The following ARMC8 variants were observed in gnomAD, a reference collection of about 807,000 sequenced individuals.
The protein encoded by ARMC8 is armadillo repeat-containing protein 8.
In ARMC8, 20 loss-of-function variants were observed where a neutral mutation model predicts 99.3. The observed-to-expected ratio is 0.20, with a 90% CI of 0.14 to 0.29. The LOEUF is 0.29. Among genes scored for constraint, ARMC8 ranks in the 10% least tolerant of loss-of-function variants. The pLI, the probability that ARMC8 is intolerant of heterozygous loss-of-function variation, is 1.00. For synonymous variants in ARMC8, 263 were observed against 278.3 expected (o/e 0.95, Z 0.55); for missense variants, 569 against 809.5 (o/e 0.70, Z 3.60).
At chr3:138,270,253 T>G in intron 16 of ARMC8, 121 bp downstream of exon 16, 3 of 773,734 alleles carry the variant, frequency 3.9e-6, no homozygotes, top group Non-Finnish European at 6.1e-6. Flanking sequence ...CTGGCTATTT[T>G]GTTCTAGTTT....
At chr3:138,242,173 A>G (rs577326328) in intron 11 of ARMC8, among the ~76,000 whole-genome samples, 190 bp downstream of exon 11, 9 of 152,206 alleles carry the variant, frequency 5.9e-5, no homozygotes, top group Admixed American at 5.9e-4. Context: ...TTATTGTCAG[A>G]AAGTTTTTAC....
intron 10 of ARMC8, among the ~76,000 whole-genome samples, 193 bp downstream of exon 10, chr3:138,239,721 C>T (rs952998485): frequency 3.3e-5 from 5 of 152,016 alleles, no homozygotes; most frequent in Admixed American, 6.6e-5. Flanking sequence ...AGATGTGTTT[C>T]GAAAGTCAGC....
At chr3:138,258,867 T>C (rs1197221022) in intron 12 of ARMC8, among the ~76,000 whole-genome samples, 1 of 152,234 alleles carries the variant, frequency 6.6e-6, no homozygotes. Flanking sequence ...TCCTCCACTC[T>C]GAGGATTCAG....
intron 6 of ARMC8, among the ~76,000 whole-genome samples, chr3:138,231,449 C>T (rs1348882854): frequency 6.6e-6 from 1 of 152,064 alleles, no homozygotes; most frequent in Non-Finnish European, 1.5e-5. Flanking sequence ...AAAGGGAGAG[C>T]TCACTAAAGC....
At chr3:138,224,377 G>A (rs766180526) in intron 5 of ARMC8, among the ~76,000 whole-genome samples, 68 of 152,340 alleles carry the variant, frequency 4.5e-4, no homozygotes, top group Non-Finnish European at 8.5e-4. Flanking sequence ...AGGAGTTTGA[G>A]GTTATACTAA....
At chr3:138,290,932 C>G (rs2050881002) in intron 21 of ARMC8, among the ~76,000 whole-genome samples, 1 of 152,196 alleles carries the variant, frequency 6.6e-6, no homozygotes, top group South Asian at 2.1e-4. Context: ...AATAGACATG[C>G]ATGTGGCATT....
chr3:138,231,200 A>T (rs1457245451), intron 6 of ARMC8, among the ~76,000 whole-genome samples: 3 of 152,246 alleles, frequency 2.0e-5, no homozygotes, highest in African/African-American at 7.2e-5. Context: ...CGATATACTG[A>T]CAACATGTAT....
chr3:138,270,594 A>T (rs1369648777), intron 16 of ARMC8, among the ~76,000 whole-genome samples: 1 of 152,208 alleles, frequency 6.6e-6, no homozygotes, highest in African/African-American at 2.4e-5. Context: ...GTGTGTTTAT[A>T]AAGTACAACA....
Position 138,289,049 on chromosome 3 carries a change from G to A in ARMC8, c.1823G>A (p.Gly608Asp). 1 of 1,611,648 alleles carries A rather than the reference G, an allele frequency of 6.2e-7. No homozygotes were observed. Among genetic ancestry groups the A allele is most frequent in the Non-Finnish European group, 8.5e-7 (1 of 1,178,374 alleles). ...TTTTTTCTTTTTCTGTATTAATAGG[G>A]CCATTCACATGTTAAACTGCAGCTT... ...DILQKIKYYM[G>D]HSHVKLQLAA... Residue 608 changes from glycine to aspartate, a missense_variant and splice_region_variant, in exon 20 of 22, where the codon GGC becomes GAC. By Grantham distance (94) the Gly-to-Asp change is moderately conservative. Transcript: ENST00000469044.
intron 17 of ARMC8, 110 bp from the exon 18 acceptor site, chr3:138,274,339 T>G (rs1358438517): frequency 5.8e-6 from 4 of 692,672 alleles, no homozygotes; most frequent in Non-Finnish European, 1.0e-5. Context: ...TATGCTATAG[T>G]GTTTTGCATG....
In ARMC8 at chr3:138,221,968, C is replaced by G; in HGVS notation, c.165C>G (p.Ala55=). The change falls in exon 3 of 22, where the codon GCC becomes GCG. Residue 55 remains alanine, a synonymous_variant. Transcript: ENST00000469044. ...NAVIGNNKQK[A]NLIVLGAVPR... The stretch of plus-strand genomic sequence containing the variant: ...TAATTGGAAACAACAAGCAGAAAGC[C>G]AATCTCATTGTTTTAGGAGCTGTTC... 6.2e-7 allele frequency: 1 copy of G among 1,613,548 alleles called. No homozygotes were observed. The highest frequency in any genetic ancestry group is 1.1e-5 in the South Asian group (1 of 91,032).
rs1478756083 is a variant in ARMC8, at chr3:138,289,088, G to A, written c.1862G>A (p.Cys621Tyr). The A allele has an allele frequency of 1.9e-6, 3 of 1,613,212 alleles. No individual in the cohort carries two copies. Among genetic ancestry groups the A allele is most frequent in the African/African-American group, 1.3e-5 (1 of 74,880 alleles). ...AAACTGCAGCTTGCAGCCATGTTTTGTATATCAAACCTCATATGGAATGAA... is the reference window on the plus strand; with the variant it reads ...AAACTGCAGCTTGCAGCCATGTTTTATATATCAAACCTCATATGGAATGAA... The part of the protein sequence containing the change: ...HVKLQLAAMF[C>Y]ISNLIWNEEE... The change falls in exon 20 of 22, where the codon TGT becomes TAT. Residue 621 changes from cysteine (C) to tyrosine (Y), a missense_variant. Physicochemically the swap from Cys to Tyr is radical, Grantham distance 194. This residue lies in a region of ARMC8 where 227 missense variants were observed against 417.9 expected (regional missense o/e 0.54). Transcript: ENST00000469044.
chr3:138,209,118 C>T (rs1291460631), intron 1 of ARMC8, among the ~76,000 whole-genome samples: 2 of 152,250 alleles, frequency 1.3e-5, no homozygotes, highest in African/African-American at 4.8e-5. Context: ...CCTCACTCTT[C>T]CCTGGCTGAG....
intron 1 of ARMC8, among the ~76,000 whole-genome samples, chr3:138,195,582 C>T (rs1399996223): frequency 2.0e-5 from 3 of 152,112 alleles, no homozygotes; most frequent in Non-Finnish European, 2.9e-5. Flanking sequence ...TTACTGTCAG[C>T]AGACAGGAAT....
At chr3:138,245,665 A>T in intron 12 of ARMC8, 1 of 992,158 alleles carries the variant, frequency 1.0e-6, no homozygotes, top group Non-Finnish European at 1.2e-6. Flanking sequence ...ATGTGAATAA[A>T]ATCTTTGTGG....
chr3:138,242,450 C>T (rs762186526), intron 11 of ARMC8, among the ~76,000 whole-genome samples: 1 of 152,130 alleles, frequency 6.6e-6, no homozygotes, highest in Non-Finnish European at 1.5e-5. Context: ...GTGCTTTGGG[C>T]CTGCTAGTGA....
At chr3:138,249,570 T>TTTTTCTAAGG (rs2047033427) in intron 12 of ARMC8, among the ~76,000 whole-genome samples, 3 of 152,018 alleles carry the variant, frequency 2.0e-5, no homozygotes, top group African/African-American at 7.2e-5. Flanking sequence ...AGGATAAAAG[T>TTTTTCTAAGG]ATGATTTGGT....
intron 5 of ARMC8, chr3:138,228,601 G>A (rs998112475): frequency 1.8e-5 from 8 of 436,190 alleles, no homozygotes; most frequent in Middle Eastern, 3.5e-4. Flanking sequence ...CTCACATTTT[G>A]GTTTCAGAAC....
At chr3:138,292,292 G>A (rs1358900310) in intron 21 of ARMC8, among the ~76,000 whole-genome samples, 3 of 152,018 alleles carry the variant, frequency 2.0e-5, no homozygotes, top group African/African-American at 4.8e-5. Context: ...CACCCACCTC[G>A]GCTTCCCAAA....
Sources: gnomAD v4.1 joint callset for allele counts (sites outside exome capture counted in the v4.1 genomes callset) on GRCh38, gnomAD v4.1.1 for gene constraint, gnomAD v4.1.1 regional missense constraint, MANE v1.5 for transcripts, NCBI Gene and HGNC (gene_info 2026-07-23, HGNC 2026-07-21) for gene names.